Variants in OR1J2 observed in about 807,000 individuals in gnomAD.
OR1J2 encodes the protein olfactory receptor family 1 subfamily J member 2, also known as olfactory receptor 1J2.
For synonymous variants in OR1J2, 142 were observed against 99.7 expected, an observed-to-expected ratio of 1.42 and a Z score of -2.52; for missense variants, 304 against 246.1, an observed-to-expected ratio of 1.24 and a Z score of -1.57.
the OR1J2 span, among the ~76,000 whole-genome samples, chr9:122,528,199 C>T: frequency 1.8e-4 from 27 of 152,282 alleles, no homozygotes; most frequent in Middle Eastern, 6.8e-3. Context: ...AGAAGAACAA[C>T]GAAATTTAAG....
the OR1J2 span, among the ~76,000 whole-genome samples, chr9:122,450,966 A>G: frequency 1.3e-5 from 2 of 152,144 alleles, no homozygotes; most frequent in Admixed American, 6.5e-5. Flanking sequence ...AGTAACTTCT[A>G]TAACATTTTA....
chr9:122,547,732 G>A, the OR1J2 span, among the ~76,000 whole-genome samples: 18 of 151,866 alleles, frequency 1.2e-4, no homozygotes, highest in East Asian at 3.5e-3. Context: ...CTTTGCTATT[G>A]TGGATAGTGC....
the OR1J2 span, among the ~76,000 whole-genome samples, chr9:122,481,497 A>G: frequency 6.6e-6 from 1 of 152,218 alleles, no homozygotes; most frequent in African/African-American, 2.4e-5. Flanking sequence ...AAGAAAAGAC[A>G]AAAGCTCAAT....
chr9:122,510,736 A>AAATGAT (rs1828615249), upstream of OR1J2: 2 of 948,320 alleles, frequency 2.1e-6, no homozygotes, highest in Admixed American at 4.6e-5. Context: ...TGACTGCTAA[A>AAATGAT]AATGATAATT....
At chr9:122,542,033 C>T in the OR1J2 span, among the ~76,000 whole-genome samples, 1 of 152,284 alleles carries the variant, frequency 6.6e-6, no homozygotes, top group African/African-American at 2.4e-5. Flanking sequence ...ATTCATATCA[C>T]TATAAGATTA....
the OR1J2 span, among the ~76,000 whole-genome samples, chr9:122,569,829 C>T: frequency 6.6e-6 from 1 of 151,830 alleles, no homozygotes; most frequent in Non-Finnish European, 1.5e-5. Flanking sequence ...TCCCTCCCCC[C>T]TGCCCCCACC....
the OR1J2 span, among the ~76,000 whole-genome samples, chr9:122,531,431 C>T: frequency 6.6e-6 from 1 of 152,120 alleles, no homozygotes; most frequent in Admixed American, 6.5e-5. Context: ...AGGAGTATGA[C>T]TAGACAGAAG....
chr9:122,567,947 G>C, the OR1J2 span: 1 of 1,614,206 alleles, frequency 6.2e-7, no homozygotes, highest in Admixed American at 1.7e-5. Context: ...CACAGAGAAA[G>C]TGGTGGATAA....
At chr9:122,506,257 A>G (rs779867559), upstream of OR1J2, among the ~76,000 whole-genome samples, 4 of 152,156 alleles carry the variant, frequency 2.6e-5, no homozygotes, top group African/African-American at 9.7e-5. Context: ...GTACTTTGAG[A>G]TATTTTCTTT....
chr9:122,530,377 AGGCTACT>A, the OR1J2 span, among the ~76,000 whole-genome samples: 3 of 152,344 alleles, frequency 2.0e-5, no homozygotes, highest in East Asian at 5.8e-4. Flanking sequence ...CTGGCTCATC[AGGCTACT>A]GCCAGGAGGA....
At chr9:122,533,120 C>T in the OR1J2 span, among the ~76,000 whole-genome samples, 11,453 of 151,990 alleles carry the variant, frequency 0.075, 653 homozygotes, top group East Asian at 0.27. Flanking sequence ...AAAGCATGTT[C>T]GAGATCCAGA....
At chr9:122,533,625 C>G in the OR1J2 span, among the ~76,000 whole-genome samples, 1 of 151,952 alleles carries the variant, frequency 6.6e-6, no homozygotes, top group Non-Finnish European at 1.5e-5. Flanking sequence ...GGGAACTGGG[C>G]AGGTGGGGAT....
the OR1J2 span, among the ~76,000 whole-genome samples, chr9:122,496,941 G>T: frequency 6.6e-6 from 1 of 152,042 alleles, no homozygotes; most frequent in East Asian, 1.9e-4. Flanking sequence ...TTTCACACAG[G>T]TCACCAGAGA....
chr9:122,539,752 T>G, the OR1J2 span, among the ~76,000 whole-genome samples: 2 of 152,206 alleles, frequency 1.3e-5, no homozygotes, highest in East Asian at 3.9e-4. Context: ...GTGTTCTTAT[T>G]TCTCCACATC....
chr9:122,547,620 A>AGTGTGTGTGTGTGT, the OR1J2 span, among the ~76,000 whole-genome samples: 16 of 142,900 alleles, frequency 1.1e-4, no homozygotes, highest in African/African-American at 2.1e-4. Context: ...GTAGTAGTTC[A>AGTGTGTGTGTGTGT]GTGTGTGTGT....
chr9:122,570,417 T>A, the OR1J2 span, among the ~76,000 whole-genome samples: 2 of 152,252 alleles, frequency 1.3e-5, no homozygotes, highest in Admixed American at 1.3e-4. Context: ...TTTTCACATA[T>A]TTTTAAATGT....
At chr9:122,539,095 C>T in the OR1J2 span, among the ~76,000 whole-genome samples, 7 of 152,052 alleles carry the variant, frequency 4.6e-5, no homozygotes, top group Middle Eastern at 3.4e-3. Flanking sequence ...CTTTCAAAAG[C>T]GTCCCTTTTG....
the OR1J2 span, among the ~76,000 whole-genome samples, chr9:122,578,651 G>A: frequency 6.6e-5 from 10 of 151,844 alleles, no homozygotes; most frequent in Non-Finnish European, 1.3e-4. Flanking sequence ...TGGCATTCAC[G>A]GCAACCTGGA....
the OR1J2 span, among the ~76,000 whole-genome samples, chr9:122,475,452 T>C: frequency 6.6e-6 from 1 of 152,196 alleles, no homozygotes; most frequent in African/African-American, 2.4e-5. Flanking sequence ...GCTTCTTCCA[T>C]TAAGCTTGAG....
Sources: gnomAD v4.1 joint callset for allele counts (sites outside exome capture counted in the v4.1 genomes callset) on GRCh38, gnomAD v4.1.1 for gene constraint, MANE v1.5 for transcripts, NCBI Gene and HGNC (gene_info 2026-07-23, HGNC 2026-07-21) for gene names.